Variants in PDE4B observed in about 807,000 individuals in gnomAD.
PDE4B encodes 3',5'-cyclic-AMP phosphodiesterase 4B.
A neutral mutation model predicts 82.2 loss-of-function variants in PDE4B; 20 were observed. The ratio of observed to expected loss-of-function variants is 0.24; its 90% CI spans 0.17 to 0.35. The LOEUF (loss-of-function observed/expected upper bound fraction) is 0.35. PDE4B is among the 10% of genes least tolerant of loss of function. The pLI is 1.00. For missense variants in PDE4B, 655 were observed against 907.2 expected (o/e 0.72, Z 3.57); for synonymous variants, 320 against 318.9 (o/e 1.00, Z -0.04).
chr1:66,045,698 T>C (rs1190371319), intron 3 of PDE4B, among the ~76,000 whole-genome samples: 2 of 151,588 alleles, frequency 1.3e-5, no homozygotes, highest in African/African-American at 4.8e-5. Context: ...GTAATATATA[T>C]ATAGATGATT....
intron 3 of PDE4B, among the ~76,000 whole-genome samples, chr1:65,949,378 T>G (rs1648878688): frequency 6.6e-6 from 1 of 152,146 alleles, no homozygotes. Flanking sequence ...CTATTTTGTT[T>G]ACTGTAGGCC....
intron 8 of PDE4B, among the ~76,000 whole-genome samples, chr1:66,352,282 T>C (rs534276654): frequency 2.0e-5 from 3 of 152,282 alleles, no homozygotes; most frequent in Non-Finnish European, 2.9e-5. Flanking sequence ...AAAAGGCTCA[T>C]AGGAGAATTA....
At chr1:65,918,135 C>G (rs1647183509) in intron 2 of PDE4B, among the ~76,000 whole-genome samples, 1 of 152,162 alleles carries the variant, frequency 6.6e-6, no homozygotes, top group Non-Finnish European at 1.5e-5. Flanking sequence ...GCCTGGGTGA[C>G]AGAGCGAGAC....
rs200925983 is a variant in PDE4B, at chr1:66,090,616, A to ATGTGTGTGTGT, written c.282-156844_282-156843insTGTGTGTGTGT. 1.0e-4 allele frequency among the ~76,000 whole-genome samples: 9 copies of ATGTGTGTGTGT among 89,934 alleles called. 1 individual carries two copies. The highest frequency in any genetic ancestry group is 3.5e-4 in the Admixed American group (3 of 8,630). The allele number at this position is 89,934 out of a possible 152,430, so 59.0% of individuals were successfully genotyped here. A position where few individuals can be genotyped will look rare whatever the true frequency, so the allele number is the denominator to read the frequency against. On this transcript the variant is annotated intron_variant, in intron 3 of 16. Coordinates refer to ENST00000341517, the MANE Select transcript of PDE4B (RefSeq NM_002600.4). ...CAAAATTATATATATATATGTATAT[A>ATGTGTGTGTGT]ATATATGTGTGTGTGTGTGTGTGTA...
At chr1:66,007,618 A>G (rs1195540340) in intron 3 of PDE4B, among the ~76,000 whole-genome samples, 1 of 152,152 alleles carries the variant, frequency 6.6e-6, no homozygotes, top group East Asian at 1.9e-4. Context: ...TGTTATGGTG[A>G]CATACTGAGC....
chr1:66,366,831 A>T (rs899160647), intron 13 of PDE4B, among the ~76,000 whole-genome samples: 2 of 152,138 alleles, frequency 1.3e-5, no homozygotes, highest in African/African-American at 4.8e-5. Context: ...CCTTGATCAC[A>T]GGATGAACAA....
chr1:65,892,361 G>C (rs1390567602), intron 1 of PDE4B, among the ~76,000 whole-genome samples: 2 of 151,966 alleles, frequency 1.3e-5, no homozygotes, highest in East Asian at 3.8e-4. Flanking sequence ...TACCACAAAT[G>C]AGTCACTATT....
intron 8 of PDE4B, among the ~76,000 whole-genome samples, chr1:66,337,078 G>A (rs1444501617): frequency 6.6e-6 from 1 of 152,160 alleles, no homozygotes; most frequent in Non-Finnish European, 1.5e-5. Flanking sequence ...GATCTTACTG[G>A]CCAATGGATT....
chr1:66,162,370 C>G (rs567807646), intron 3 of PDE4B, among the ~76,000 whole-genome samples: 1 of 110,880 alleles, frequency 9.0e-6, no homozygotes, highest in African/African-American at 3.5e-5. Flanking sequence ...AGCATCTAAT[C>G]TGTGACTTCC....
At chr1:66,154,828 C>A (rs564815283) in intron 3 of PDE4B, among the ~76,000 whole-genome samples, 23 of 152,214 alleles carry the variant, frequency 1.5e-4, no homozygotes, top group African/African-American at 5.3e-4. Context: ...GTGCTTTTTC[C>A]AAGCCCCTTG....
At chr1:66,195,819 T>G (rs7525319) in intron 3 of PDE4B, among the ~76,000 whole-genome samples, 76,485 of 151,492 alleles carry the variant, frequency 0.5, 19,951 homozygotes, top group South Asian at 0.63. Context: ...CCAATGTATA[T>G]GAGACCCCTG....
At chr1:65,885,875 T>TAAC (rs1340763991) in intron 1 of PDE4B, among the ~76,000 whole-genome samples, 3 of 148,042 alleles carry the variant, frequency 2.0e-5, no homozygotes, top group Non-Finnish European at 4.5e-5. Flanking sequence ...ATAATAATAA[T>TAAC]AATAATAATA....
At chr1:65,936,434 A>T (rs2100533596) in intron 3 of PDE4B, among the ~76,000 whole-genome samples, 1 of 152,350 alleles carries the variant, frequency 6.6e-6, no homozygotes, top group South Asian at 2.1e-4. Context: ...TTATAGTCTT[A>T]TGGGACCACC....
intron 15 of PDE4B, 54 bp from the exon 16 acceptor site, chr1:66,368,733 T>C: frequency 7.3e-7 from 1 of 1,369,092 alleles, no homozygotes; most frequent in Non-Finnish European, 9.8e-7. Context: ...CATGAGATGT[T>C]CCGGCAGTAT....
intron 3 of PDE4B, among the ~76,000 whole-genome samples, chr1:66,021,072 T>G (rs979143504): frequency 2.6e-5 from 4 of 152,210 alleles, no homozygotes; most frequent in African/African-American, 9.7e-5. Context: ...GCCAGTGATG[T>G]TGAGCATTTT....
Position 66,105,614 on chromosome 1 carries a change from C to A in PDE4B, c.282-141846C>A, listed in dbSNP as rs190786431. 3.6e-3 allele frequency among the ~76,000 whole-genome samples: 540 copies of A among 152,022 alleles called. 5 individuals carry two copies. The highest frequency in any genetic ancestry group is 0.012 in the African/African-American group (511 of 41,428). ...ATTTGTTGGTATCCTCTTTTATTTC[C>A]TTGAGCAGTGGTTTGTAGTTCTCCT... is the stretch of plus-strand genomic sequence containing the variant. On this transcript the variant is annotated intron_variant, in intron 3 of 16. Coordinates refer to ENST00000341517, the MANE Select transcript of PDE4B (RefSeq NM_002600.4).
At chr1:66,163,155 C>T (rs1206373761) in intron 3 of PDE4B, among the ~76,000 whole-genome samples, 3 of 152,132 alleles carry the variant, frequency 2.0e-5, no homozygotes, top group Non-Finnish European at 4.4e-5. Flanking sequence ...CTAATTCTTC[C>T]CGAGACTCAC....
At chr1:66,093,162 A>T (rs917919680) in intron 3 of PDE4B, among the ~76,000 whole-genome samples, 1 of 152,004 alleles carries the variant, frequency 6.6e-6, no homozygotes, top group Admixed American at 6.6e-5. Flanking sequence ...CAAACCAAGG[A>T]GAAGCTGAAG....
rs1647632115 is a variant in PDE4B, at chr1:66,190,139, C to A, written c.282-57321C>A. On this transcript the variant is annotated intron_variant, in intron 3 of 16. Coordinates refer to ENST00000341517, the MANE Select transcript of PDE4B (RefSeq NM_002600.4). ...GCCTGGGTATCAGCAGTGGAGGCTG[C>A]AGAACAGCTGATATTGGTGAACAGC... Among the ~76,000 whole-genome samples, 4 of 152,318 alleles carry A rather than the reference C, an allele frequency of 2.6e-5. No individual in the cohort carries two copies. The South Asian group carries it at 6.2e-4, about 24-fold the overall frequency.
Sources: gnomAD v4.1 joint callset for allele counts (sites outside exome capture counted in the v4.1 genomes callset) on GRCh38, gnomAD v4.1.1 for gene constraint, MANE v1.5 for transcripts, NCBI Gene and HGNC (gene_info 2026-07-23, HGNC 2026-07-21) for gene names.